The following IFT88 variants were observed in gnomAD, a reference collection of about 807,000 sequenced individuals.
IFT88 encodes intraflagellar transport protein 88 homolog.
IFT88 carries 74 observed loss-of-function variants against 119.5 expected under a neutral mutation model. The ratio of observed to expected loss-of-function variants is 0.62; its 90% CI spans 0.51 to 0.75. IFT88 has a LOEUF of 0.75. Ranked by LOEUF, IFT88 falls within the 30% of genes least tolerant of loss-of-function variation. The pLI is 0.00. For missense variants in IFT88, 961 were observed against 977.7 expected (o/e 0.98, Z 0.23); for synonymous variants, 279 against 316.7 (o/e 0.88, Z 1.26).
At chr13:20,573,677 C>G (rs1163300200) in intron 1 of IFT88, among the ~76,000 whole-genome samples, 1 of 152,190 alleles carries the variant, frequency 6.6e-6, no homozygotes. Flanking sequence ...CGTGTGAATA[C>G]TCTGGTTGCT....
At chr13:20,602,064 A>C (rs925753058) in intron 12 of IFT88, 131 bp downstream of exon 12, 20 of 601,824 alleles carry the variant, frequency 3.3e-5, no homozygotes, top group Non-Finnish European at 5.7e-5. Context: ...TTTATTATTG[A>C]TGTATTTCAT....
At chr13:20,597,709 A>G (rs1423658592) in intron 9 of IFT88, among the ~76,000 whole-genome samples, 5 of 150,704 alleles carry the variant, frequency 3.3e-5, no homozygotes, top group African/African-American at 7.3e-5. Flanking sequence ...TTGCCACCAC[A>G]CTCCAGAGCC....
chr13:20,674,719 TA>T (rs1566450428), intron 24 of IFT88, among the ~76,000 whole-genome samples: 368 of 32,080 alleles, frequency 0.011, 2 homozygotes, highest in African/African-American at 0.036. Flanking sequence ...TATATATATA[TA>T]TATATTTTTT....
At chr13:20,637,314 A>G (rs1010563694) in intron 16 of IFT88, among the ~76,000 whole-genome samples, 20 of 152,340 alleles carry the variant, frequency 1.3e-4, no homozygotes, top group African/African-American at 4.1e-4. Context: ...AAGTTTAACG[A>G]GGGACGGTCA....
rs765834236 is a variant in IFT88 at position 20,691,119 on chromosome 13, A to G, written c.2419A>G (p.Ile807Val). 1.2e-6 allele frequency: 2 copies of G among 1,614,044 alleles called. No homozygotes were observed. The highest frequency in any genetic ancestry group is 8.5e-7 in the Non-Finnish European group (1 of 1,179,928). ...ERPKTAAKKR[I>V]DEDDFADEEL... Reference sequence around the variant, plus strand: ...ACCAAAAACTGCAGCCAAGAAAAGGATCGATGAGGATGATTTTGCTGATGA... The same window carrying G: ...ACCAAAAACTGCAGCCAAGAAAAGGGTCGATGAGGATGATTTTGCTGATGA... The change falls in exon 26 of 26, where the codon ATC becomes GTC. Residue 807 changes from isoleucine to valine, a missense_variant. Physicochemically the swap from Ile to Val is conservative, Grantham distance 29. Transcript: ENST00000351808.
At chr13:20,571,021 T>G (rs1241710946) in intron 1 of IFT88, among the ~76,000 whole-genome samples, 2 of 152,062 alleles carry the variant, frequency 1.3e-5, no homozygotes, top group South Asian at 4.1e-4. Flanking sequence ...TGAGACAGAG[T>G]CTGGCTCTGT....
intron 13 of IFT88, among the ~76,000 whole-genome samples, chr13:20,606,853 G>C (rs1398649573): frequency 6.6e-6 from 1 of 152,040 alleles, no homozygotes; most frequent in Non-Finnish European, 1.5e-5. Flanking sequence ...TGCACTCCAG[G>C]CTGGGTGACA....
At chr13:20,649,496 A>G (rs2051259964) in intron 20 of IFT88, among the ~76,000 whole-genome samples, 1 of 152,160 alleles carries the variant, frequency 6.6e-6, no homozygotes, top group Admixed American at 6.5e-5. Context: ...GATGCTGCAA[A>G]AGCATCCCTA....
At chr13:20,568,865 C>T (rs530340164) in intron 1 of IFT88, among the ~76,000 whole-genome samples, 25 of 152,142 alleles carry the variant, frequency 1.6e-4, no homozygotes, top group African/African-American at 5.5e-4. Flanking sequence ...GGACTACAGG[C>T]GCCCGCCACC....
At position 20,589,884 on chromosome 13, in the gene IFT88, T is replaced by C. The variant is rs749125498; in HGVS notation, c.210+17T>C. The C allele has an allele frequency of 1.3e-6, 2 of 1,517,200 alleles. No homozygotes were observed. The highest frequency in any genetic ancestry group is 2.3e-5 in the South Asian group (2 of 86,864). 94.0% of individuals were successfully genotyped at this position (1,517,200 alleles called of 1,614,324 possible). On this transcript the variant is annotated intron_variant, in intron 4 of 25. Coordinates refer to ENST00000351808, the MANE Select transcript of IFT88 (RefSeq NM_006531.5). Reference sequence around the variant, plus strand: ...GGATATGGGGTAGGTTTTTGTAAGCTGAAAATATTAAGATGCTTTTTCTCA... The same window carrying C: ...GGATATGGGGTAGGTTTTTGTAAGCCGAAAATATTAAGATGCTTTTTCTCA...
intron 24 of IFT88, among the ~76,000 whole-genome samples, chr13:20,678,016 C>A (rs187976191): frequency 2.6e-5 from 4 of 152,104 alleles, no homozygotes. Flanking sequence ...TGATTATATA[C>A]GTATTATAAT....
intron 16 of IFT88, among the ~76,000 whole-genome samples, chr13:20,633,187 A>G (rs2048465987): frequency 1.3e-5 from 2 of 152,242 alleles, no homozygotes; most frequent in African/African-American, 2.4e-5. Context: ...CTATAAAGAA[A>G]TAACCGAGAC....
Position 20,568,316 on chromosome 13 carries a change from G to T in IFT88, c.-7+1060G>T, listed in dbSNP as rs2035391637. ...TTGCCTGGAGAATCCAGAAACCCTG[G>T]GTTGTATAACAACAGTTGTTCTGCC... On this transcript the variant is annotated intron_variant, in intron 1 of 25. Coordinates refer to ENST00000351808, the MANE Select transcript of IFT88 (RefSeq NM_006531.5). 2.0e-5 allele frequency among the ~76,000 whole-genome samples: 3 copies of T among 152,092 alleles called. No homozygotes were observed. The South Asian group carries it at 6.2e-4, about 32-fold the overall frequency.
chr13:20,620,808 C>T (rs931711993), intron 14 of IFT88, among the ~76,000 whole-genome samples: 5 of 152,122 alleles, frequency 3.3e-5, no homozygotes, highest in Admixed American at 6.5e-5. Flanking sequence ...GGATGATAGA[C>T]GTGAGTCACC....
chr13:20,571,990 A>G (rs1012822667), intron 1 of IFT88, among the ~76,000 whole-genome samples: 1 of 152,062 alleles, frequency 6.6e-6, no homozygotes, highest in Admixed American at 6.5e-5. Flanking sequence ...AATGACTCAA[A>G]TTTGTATGAT....
At chr13:20,578,642 T>C (rs4531585) in intron 2 of IFT88, among the ~76,000 whole-genome samples, 127,995 of 151,904 alleles carry the variant, frequency 0.84, 54,283 homozygotes, top group East Asian at 1. Flanking sequence ...CTCTGCTTCC[T>C]GGGTTCAAGT....
At chr13:20,621,460 T>C (rs1487869369) in intron 14 of IFT88, among the ~76,000 whole-genome samples, 1 of 151,012 alleles carries the variant, frequency 6.6e-6, no homozygotes, top group African/African-American at 2.4e-5. Context: ...TTGAGTATTC[T>C]TGGTCCTTGT....
chr13:20,601,191 C>A (rs2042539472), intron 11 of IFT88, among the ~76,000 whole-genome samples: 1 of 152,102 alleles, frequency 6.6e-6, no homozygotes, highest in Non-Finnish European at 1.5e-5. Context: ...TATGGTGAAA[C>A]CCCGTCTCTA....
At chr13:20,681,240 A>G (rs2057291691) in intron 24 of IFT88, among the ~76,000 whole-genome samples, 1 of 152,246 alleles carries the variant, frequency 6.6e-6, no homozygotes, top group Non-Finnish European at 1.5e-5. Context: ...AGCGTTGCAG[A>G]AGATGCCGTT....
Sources: allele counts gnomAD v4.1 joint callset (sites outside exome capture counted in the v4.1 genomes callset), GRCh38; gene constraint gnomAD v4.1.1; transcripts MANE v1.5; gene names NCBI Gene and HGNC (gene_info 2026-07-23, HGNC 2026-07-21).